Variants in KSR2 observed in about 807,000 individuals in gnomAD.
KSR2 encodes the protein kinase suppressor of ras 2.
A neutral mutation model predicts 107.8 loss-of-function variants in KSR2; 25 were observed. The ratio of observed to expected loss-of-function variants is 0.23; its 90% confidence interval spans 0.17 to 0.32. The LOEUF is 0.32. Among genes scored for constraint, KSR2 ranks in the 10% least tolerant of loss-of-function variants. The probability of loss-of-function intolerance (pLI) is 1.00; values close to 1 mark genes in which losing one functional copy is unlikely to be tolerated. For missense variants in KSR2, 887 were observed against 1,268.9 expected, an observed-to-expected ratio of 0.70 and a Z score of 4.57; for synonymous variants, 480 against 507.0, an observed-to-expected ratio of 0.95 and a Z score of 0.71.
chr12:117,709,512 C>G (rs1171917920), intron 4 of KSR2, among the ~76,000 whole-genome samples: 1 of 152,084 alleles, frequency 6.6e-6, no homozygotes, highest in South Asian at 2.1e-4. Flanking sequence ...TTTGCAGAGA[C>G]AGGGTCTTAC....
At chr12:117,470,758 T>C (rs559611791) in intron 18 of KSR2, among the ~76,000 whole-genome samples, 45 of 152,324 alleles carry the variant, frequency 3.0e-4, no homozygotes, top group Admixed American at 6.5e-4. Context: ...CAGAGGAAGA[T>C]TGTTAATATT....
chr12:117,677,965 C>T (rs1885207750), intron 4 of KSR2, among the ~76,000 whole-genome samples: 2 of 152,084 alleles, frequency 1.3e-5, no homozygotes, highest in African/African-American at 2.4e-5. Context: ...GACAGAGTCT[C>T]GCTCTGTTGA....
chr12:117,605,228 G>GACC (rs1565922248), intron 5 of KSR2, among the ~76,000 whole-genome samples: 2 of 152,084 alleles, frequency 1.3e-5, no homozygotes, highest in Non-Finnish European at 2.9e-5. Context: ...GTGTGGCTGT[G>GACC]ACCAGCTCAT....
At chr12:117,610,138 C>T (rs1254478425) in intron 5 of KSR2, among the ~76,000 whole-genome samples, 3 of 152,142 alleles carry the variant, frequency 2.0e-5, no homozygotes, top group Middle Eastern at 3.4e-3. Context: ...ACTCAGCCTC[C>T]TGGGTAAGAA....
At chr12:117,903,497 GT>G (rs1894751493) in intron 1 of KSR2, among the ~76,000 whole-genome samples, 1 of 152,138 alleles carries the variant, frequency 6.6e-6, no homozygotes, top group South Asian at 2.1e-4. Context: ...AGTGTTCATT[GT>G]TTATCTGAAA....
intron 5 of KSR2, among the ~76,000 whole-genome samples, chr12:117,653,129 C>G (rs924301988): frequency 8.5e-5 from 13 of 152,226 alleles, no homozygotes; most frequent in Non-Finnish European, 8.8e-5. Flanking sequence ...CACCACATCC[C>G]TGTTCAACTC....
At chr12:117,502,735 A>G (rs1427557798) in intron 14 of KSR2, among the ~76,000 whole-genome samples, 2 of 152,336 alleles carry the variant, frequency 1.3e-5, no homozygotes, top group African/African-American at 4.8e-5. Context: ...AAAATTCCCA[A>G]CTCACTTCCT....
At chr12:117,703,727 T>C (rs1057266585) in intron 4 of KSR2, among the ~76,000 whole-genome samples, 1 of 152,128 alleles carries the variant, frequency 6.6e-6, no homozygotes, top group Admixed American at 6.5e-5. Context: ...CAAAAGAAAT[T>C]AAGGCAAACA....
chr12:117,532,953 G>A (rs939708210), intron 10 of KSR2, among the ~76,000 whole-genome samples: 1 of 152,194 alleles, frequency 6.6e-6, no homozygotes, highest in Non-Finnish European at 1.5e-5. Context: ...GTAGCTCAGA[G>A]CCTAGAGTCT....
chr12:117,936,986 C>T (rs539158931), intron 1 of KSR2, among the ~76,000 whole-genome samples: 2 of 152,320 alleles, frequency 1.3e-5, no homozygotes, highest in East Asian at 3.9e-4. Context: ...CCTCCATCTG[C>T]CCCCAGCCTC....
chr12:117,656,508 G>T (rs1884163115), intron 5 of KSR2, among the ~76,000 whole-genome samples: 1 of 152,206 alleles, frequency 6.6e-6, no homozygotes, highest in South Asian at 2.1e-4. Context: ...CAGCTACTCA[G>T]GAGGCTGAGG....
intron 3 of KSR2, among the ~76,000 whole-genome samples, chr12:117,772,853 C>T (rs886251748): frequency 6.6e-6 from 1 of 152,206 alleles, no homozygotes; most frequent in Admixed American, 6.5e-5. Context: ...CTCAAGTTTA[C>T]TTTCTTTCCT....
rs138393577 is a variant in KSR2 at position 117,657,292 on chromosome 12, T to C, written c.1171+10182A>G. Among the ~76,000 whole-genome samples the C allele has an allele frequency of 7.3e-4, 111 of 152,068 alleles. No homozygotes were observed. The Middle Eastern group carries it at 0.01, about 14-fold the overall frequency. On this transcript the variant is annotated intron_variant, in intron 5 of 19. Coordinates refer to ENST00000339824, the MANE Select transcript of KSR2 (RefSeq NM_173598.6). ...ATAGAGCATAAAAGTGAAGCCGACC[T>C]AAAAACAGCAGGGCTGAGAGATAGA...
chr12:117,472,169 A>G lies in KSR2; in HGVS notation c.2583-849T>C, dbSNP rs147965540. On this transcript the variant is annotated intron_variant, in intron 17 of 19. Coordinates refer to ENST00000339824, the MANE Select transcript of KSR2 (RefSeq NM_173598.6). ...CCTGATAAATGAGAATAATGACAACATTGCAGTGGAAGGATGTTTATCTGG... is the reference window on the plus strand; with the variant it reads ...CCTGATAAATGAGAATAATGACAACGTTGCAGTGGAAGGATGTTTATCTGG... Among the ~76,000 whole-genome samples the G allele has an allele frequency of 1.8e-3, 267 of 152,322 alleles. 1 individual carries two copies. Among genetic ancestry groups the G allele is most frequent in the Non-Finnish European group, 2.9e-3 (200 of 68,030 alleles).
chr12:117,955,462 C>A (rs1433010307), intron 1 of KSR2, among the ~76,000 whole-genome samples: 4 of 152,058 alleles, frequency 2.6e-5, no homozygotes, highest in African/African-American at 9.7e-5. Flanking sequence ...AAGGAAAGAT[C>A]ATTTGGCACA....
intron 14 of KSR2, among the ~76,000 whole-genome samples, chr12:117,506,684 G>A (rs1484362666): frequency 1.3e-5 from 2 of 152,194 alleles, no homozygotes; most frequent in African/African-American, 4.8e-5. Flanking sequence ...AGAGTGCTAT[G>A]CAGTTCTGAC....
intron 4 of KSR2, among the ~76,000 whole-genome samples, chr12:117,722,800 A>G (rs1278558442): frequency 1.3e-5 from 2 of 152,104 alleles, no homozygotes; most frequent in Non-Finnish European, 2.9e-5. Context: ...TTCTTGCCCG[A>G]GATCTAAGAA....
rs80144681 is a variant in KSR2, at chr12:117,625,664, C to CT, written c.1171+41809dup. On this transcript the variant is annotated intron_variant, in intron 5 of 19. Coordinates refer to ENST00000339824, the MANE Select transcript of KSR2 (RefSeq NM_173598.6). ...ATCAGGGATATTGGTCTAAAATTTT[C>CT]TTTTTTTGTTGTGTCTCTGCCAGGC... Among the ~76,000 whole-genome samples, 472 of 152,158 alleles carry CT rather than the reference C, an allele frequency of 3.1e-3. 2 individuals carry two copies. Among genetic ancestry groups the CT allele is most frequent in the African/African-American group, 0.01 (435 of 41,508 alleles).
At chr12:117,467,519 C>T (rs1254653488) in intron 19 of KSR2, among the ~76,000 whole-genome samples, 1 of 152,230 alleles carries the variant, frequency 6.6e-6, no homozygotes, top group East Asian at 1.9e-4. Flanking sequence ...ACTGAGGCTT[C>T]GGGAGGTTAA....
Sources: gnomAD v4.1 joint callset for allele counts (sites outside exome capture counted in the v4.1 genomes callset) on GRCh38, gnomAD v4.1.1 for gene constraint, MANE v1.5 for transcripts, NCBI Gene and HGNC (gene_info 2026-07-23, HGNC 2026-07-21) for gene names.